SUMF1: variants seen among roughly 807,000 people sequenced by gnomAD.
SUMF1 encodes the protein formylglycine-generating enzyme.
SUMF1 carries 48 observed loss-of-function variants against 47.6 expected under a neutral mutation model. The observed-to-expected ratio is 1.01, with a 90% CI of 0.80 to 1.28. The LOEUF is 1.28. Ranked by LOEUF, SUMF1 falls within the 50% of genes most tolerant of loss-of-function variation. SUMF1 has a pLI of 0.00. For synonymous variants in SUMF1, 230 were observed against 192.1 expected, an observed-to-expected ratio of 1.20 and a Z score of -1.63; for missense variants, 571 against 485.4, an observed-to-expected ratio of 1.18 and a Z score of -1.66.
rs781433708 is a variant in SUMF1 at position 4,313,383 on chromosome 3, T to C, written c.1014+62947A>G. 6 of 1,613,900 alleles carry C rather than the reference T, an allele frequency of 3.7e-6. No homozygotes were observed. The South Asian group carries it at 6.6e-5, about 18-fold the overall frequency. ...TGGAAACATTTGTTGACCCTACTTA[T>C]ATAGGAAATATTGGAAGATTCCTTA... On this transcript the variant is annotated intron_variant and NMD_transcript_variant, in intron 8 of 12. Transcript: ENST00000448413.
intron 8 of SUMF1, among the ~76,000 whole-genome samples, chr3:4,211,748 G>T (rs191674603): frequency 3.9e-4 from 60 of 152,208 alleles, no homozygotes; most frequent in African/African-American, 1.4e-3. Flanking sequence ...AAAATTATAA[G>T]AACTGATAAT....
chr3:4,073,277 G>A (rs995162358), intron 8 of SUMF1, among the ~76,000 whole-genome samples: 1 of 152,174 alleles, frequency 6.6e-6, no homozygotes, highest in African/African-American at 2.4e-5. Context: ...TTACAGAGAA[G>A]CAAATGCTGA....
intron 8 of SUMF1, among the ~76,000 whole-genome samples, chr3:4,110,576 A>G (rs1159581506): frequency 6.6e-6 from 1 of 152,054 alleles, no homozygotes; most frequent in Admixed American, 6.5e-5. Flanking sequence ...CACAATAACA[A>G]AGACTTGGAA....
At chr3:4,194,363 C>A (rs894165985) in intron 8 of SUMF1, among the ~76,000 whole-genome samples, 13 of 152,048 alleles carry the variant, frequency 8.5e-5, no homozygotes, top group Admixed American at 5.9e-4. Context: ...GAGTTCAAGT[C>A]CGCTTAATTC....
At chr3:4,309,380 G>A (rs1191394170) in intron 8 of SUMF1, among the ~76,000 whole-genome samples, 1 of 152,114 alleles carries the variant, frequency 6.6e-6, no homozygotes, top group Non-Finnish European at 1.5e-5. Context: ...CAGATGATCA[G>A]GGGATTTAGA....
intron 3 of SUMF1, among the ~76,000 whole-genome samples, chr3:4,438,867 G>A (rs1238694578): frequency 6.6e-6 from 1 of 152,118 alleles, no homozygotes; most frequent in Admixed American, 6.5e-5. Context: ...TCAAATACAC[G>A]ATTTATTTAT....
intron 8 of SUMF1, among the ~76,000 whole-genome samples, chr3:4,221,310 G>A (rs943481510): frequency 4.6e-5 from 7 of 152,090 alleles, no homozygotes; most frequent in African/African-American, 1.7e-4. Flanking sequence ...ACTGATGGAT[G>A]GAGGTGTTTT....
At chr3:4,275,165 G>C (rs1456382827) in intron 8 of SUMF1, among the ~76,000 whole-genome samples, 1 of 152,080 alleles carries the variant, frequency 6.6e-6, no homozygotes, top group Non-Finnish European at 1.5e-5. Flanking sequence ...TGAGAAATTA[G>C]AAAAAGACCT....
At chr3:4,359,511 C>A (rs1250003361), downstream of SUMF1, among the ~76,000 whole-genome samples, 1 of 152,164 alleles carries the variant, frequency 6.6e-6, no homozygotes, top group Non-Finnish European at 1.5e-5. Flanking sequence ...CGTGTTCACA[C>A]TGCTATGAAG....
chr3:4,383,044 G>A (rs933989931), intron 7 of SUMF1, among the ~76,000 whole-genome samples: 2 of 149,478 alleles, frequency 1.3e-5, no homozygotes, highest in South Asian at 2.1e-4. Flanking sequence ...CATTCTGCAC[G>A]TGTACCCCAG....
intron 8 of SUMF1, among the ~76,000 whole-genome samples, chr3:4,374,183 C>G (rs1457793413): frequency 6.6e-6 from 1 of 151,984 alleles, no homozygotes; most frequent in Non-Finnish European, 1.5e-5. Context: ...AGGTTCTAGC[C>G]AATGACATAC....
chr3:4,330,457 G>T (rs794206), intron 8 of SUMF1, among the ~76,000 whole-genome samples: 10,497 of 152,252 alleles, frequency 0.069, 567 homozygotes, highest in South Asian at 0.31. Flanking sequence ...GTCTTACATG[G>T]TGGCAGGCAA....
At chr3:4,437,274 A>G (rs1013040128) in intron 3 of SUMF1, among the ~76,000 whole-genome samples, 4 of 152,238 alleles carry the variant, frequency 2.6e-5, no homozygotes, top group African/African-American at 9.6e-5. Context: ...GATAACGATG[A>G]CTAGAGTAAG....
At chr3:4,392,232 T>C (rs1347499789) in intron 7 of SUMF1, among the ~76,000 whole-genome samples, 1 of 152,226 alleles carries the variant, frequency 6.6e-6, no homozygotes, top group Non-Finnish European at 1.5e-5. Context: ...CAGTTAGTAG[T>C]ATACTTTTCA....
intron 8 of SUMF1, among the ~76,000 whole-genome samples, chr3:4,371,812 A>G (rs891199763): frequency 3.9e-5 from 6 of 152,172 alleles, no homozygotes; most frequent in African/African-American, 9.7e-5. Flanking sequence ...TGAGGCACAC[A>G]GATGTTAATA....
rs1443512397 is a variant in SUMF1, at chr3:4,343,342, AGAG to A, written c.1014+32985_1014+32987del. On this transcript the variant is annotated intron_variant and NMD_transcript_variant, in intron 8 of 12. Transcript: ENST00000448413. ...AGATCACCAAACCACAGGGATAAAA[AGAG>A]CATGGCAATTACACACAGTTAAGAG... is the stretch of plus-strand genomic sequence containing the variant. Among the ~76,000 whole-genome samples, 72 of 152,378 alleles carry A rather than the reference AGAG, an allele frequency of 4.7e-4. 1 individual carries two copies. The highest frequency in any genetic ancestry group is 1.7e-3 in the African/African-American group (69 of 41,596).
At chr3:4,171,271 C>G (rs953587697) in intron 8 of SUMF1, among the ~76,000 whole-genome samples, 4 of 152,112 alleles carry the variant, frequency 2.6e-5, no homozygotes, top group Non-Finnish European at 5.9e-5. Flanking sequence ...CTCTAATACA[C>G]AAGGAAATCC....
chr3:4,195,778 C>A (rs1166862779), intron 8 of SUMF1, among the ~76,000 whole-genome samples: 1 of 151,978 alleles, frequency 6.6e-6, no homozygotes, highest in African/African-American at 2.4e-5. Flanking sequence ...GTTTTTAAAG[C>A]TAGGACTTTT....
At chr3:4,434,152 A>C (rs2125080807) in intron 3 of SUMF1, among the ~76,000 whole-genome samples, 1 of 152,336 alleles carries the variant, frequency 6.6e-6, no homozygotes, top group Non-Finnish European at 1.5e-5. Flanking sequence ...ATGAGCATAC[A>C]GCTTCTGTTT....
Sources: allele counts gnomAD v4.1 joint callset (sites outside exome capture counted in the v4.1 genomes callset), GRCh38; gene constraint gnomAD v4.1.1; transcripts MANE v1.5; gene names NCBI Gene and HGNC (gene_info 2026-07-23, HGNC 2026-07-21).